HAAO: variants seen among roughly 807,000 people sequenced by gnomAD.
HAAO encodes 3-hydroxyanthranilate 3,4-dioxygenase, also known as 3-hydroxyanthranilate oxygenase.
A neutral mutation model predicts 46.2 loss-of-function variants in HAAO; 49 were observed. The ratio of observed to expected loss-of-function variants is 1.06; its 90% CI spans 0.84 to 1.34. The LOEUF (loss-of-function observed/expected upper bound fraction) is 1.34. HAAO is among the 40% of genes most tolerant of loss of function. The probability of loss-of-function intolerance (pLI) is 0.00; values close to 1 mark genes in which losing one functional copy is unlikely to be tolerated. For missense variants in HAAO, 408 were observed against 364.5 expected, an observed-to-expected ratio of 1.12 and a Z score of -0.97; for synonymous variants, 157 against 145.2, an observed-to-expected ratio of 1.08 and a Z score of -0.58.
At chr2:42,787,715 A>T (rs1672493740) in intron 2 of HAAO, among the ~76,000 whole-genome samples, 1 of 152,116 alleles carries the variant, frequency 6.6e-6, no homozygotes, top group East Asian at 1.9e-4. Context: ...GCTGTTGATC[A>T]AGCTGGACTC....
At chr2:42,790,449 G>A (rs576096491) in intron 1 of HAAO, among the ~76,000 whole-genome samples, 1 of 152,006 alleles carries the variant, frequency 6.6e-6, no homozygotes, top group South Asian at 2.1e-4. Context: ...CTTGGGGAAC[G>A]ATTGAGAAGG....
intron 2 of HAAO, 38 bp from the exon 3 acceptor site, chr2:42,783,905 T>C: frequency 6.3e-7 from 1 of 1,582,736 alleles, no homozygotes; most frequent in Non-Finnish European, 8.6e-7. Context: ...CTCCGCACTT[T>C]CTCTTCCAGG....
At chr2:42,786,170 G>T (rs190922489) in intron 2 of HAAO, among the ~76,000 whole-genome samples, 2 of 152,076 alleles carry the variant, frequency 1.3e-5, no homozygotes, top group Admixed American at 1.3e-4. Context: ...AACCCTTACT[G>T]CCTTACTGGG....
intron 2 of HAAO, among the ~76,000 whole-genome samples, chr2:42,784,258 A>G (rs1315057908): frequency 6.6e-6 from 1 of 152,168 alleles, no homozygotes; most frequent in African/African-American, 2.4e-5. Flanking sequence ...AGCAACCTCC[A>G]AAGGTATCAT....
chr2:42,777,840 G>A (rs1251800744), intron 4 of HAAO, among the ~76,000 whole-genome samples: 1 of 151,922 alleles, frequency 6.6e-6, no homozygotes, highest in African/African-American at 2.4e-5. Context: ...TTTAAAAAAA[G>A]TGAACCATTT....
At chr2:42,792,350 T>C (rs1573968618) in intron 1 of HAAO, 107 bp downstream of exon 1, 1 of 592,102 alleles carries the variant, frequency 1.7e-6, no homozygotes, top group Non-Finnish European at 3.0e-6. Flanking sequence ...AAAGCGGTCC[T>C]TCTGCAAGCT....
rs953407291 is a variant in HAAO, at chr2:42,769,605, G to A, written c.630+108C>T. 6.6e-5 allele frequency: 49 copies of A among 745,752 alleles called. No homozygotes were observed. In the African/African-American group the frequency reaches 1.3e-3, roughly 19 times the overall value. 46.2% of individuals were successfully genotyped at this position (745,752 alleles called of 1,614,324 possible). A position where few individuals can be genotyped will look rare whatever the true frequency, so the allele number is the denominator to read the frequency against. On this transcript the variant is annotated intron_variant, in intron 7 of 9. Transcript: ENST00000294973. ...TGTGTGTGTGTGTGTGTGTGTGTGTGAGTGTGTGTGTGAAAGAGAGAGAGA... is the reference window on the plus strand; with the variant it reads ...TGTGTGTGTGTGTGTGTGTGTGTGTAAGTGTGTGTGTGAAAGAGAGAGAGA...
At chr2:42,789,210 G>A (rs1672607804) in intron 1 of HAAO, 2 of 153,774 alleles carry the variant, frequency 1.3e-5, no homozygotes, top group Admixed American at 1.3e-4. Context: ...AGTTTAAACA[G>A]AATACATGAA....
chr2:42,776,494 T>C (rs1405950238), intron 4 of HAAO, among the ~76,000 whole-genome samples: 1 of 152,016 alleles, frequency 6.6e-6, no homozygotes, highest in Non-Finnish European at 1.5e-5. Context: ...TGCCTCTGCC[T>C]CCCAAAGTGC....
intron 4 of HAAO, among the ~76,000 whole-genome samples, chr2:42,779,511 G>A (rs1465636592): frequency 6.6e-6 from 1 of 152,054 alleles, no homozygotes; most frequent in African/African-American, 2.4e-5. Flanking sequence ...TGGTAGAGGC[G>A]GGGTTTCACC....
intron 2 of HAAO, among the ~76,000 whole-genome samples, chr2:42,784,534 GGGC>G (rs1455529966): frequency 1.1e-5 from 1 of 92,186 alleles, no homozygotes; most frequent in Non-Finnish European, 2.2e-5. Flanking sequence ...GAGGTGGGGG[GGGC>G]GGGGGGGGGG....
At chr2:42,783,226 C>T in intron 4 of HAAO, 88 bp downstream of exon 4, 1 of 770,022 alleles carries the variant, frequency 1.3e-6, no homozygotes, top group South Asian at 1.6e-5. Flanking sequence ...TTTCTTGAGT[C>T]TATCTAGGAT....
At chr2:42,774,036 G>A (rs1671356462) in intron 4 of HAAO, among the ~76,000 whole-genome samples, 1 of 152,174 alleles carries the variant, frequency 6.6e-6, no homozygotes, top group Non-Finnish European at 1.5e-5. Context: ...CCCCCTCCCT[G>A]CTTTGAGTCA....
intron 1 of HAAO, among the ~76,000 whole-genome samples, chr2:42,790,663 C>G (rs1672727345): frequency 6.6e-6 from 1 of 152,114 alleles, no homozygotes; most frequent in Admixed American, 6.5e-5. Flanking sequence ...TCCTGAGTAG[C>G]TGGGACTACA....
At chr2:42,774,905 C>G (rs1049469345) in intron 4 of HAAO, among the ~76,000 whole-genome samples, 3 of 151,932 alleles carry the variant, frequency 2.0e-5, no homozygotes, top group African/African-American at 7.3e-5. Flanking sequence ...TTATGGGAAA[C>G]AAGGCCTCTA....
Position 42,767,183 on chromosome 2 carries a change from G to C in HAAO, c.*254C>G. On this transcript the variant is annotated 3_prime_UTR_variant, in exon 10 of 10. Transcript: ENST00000294973. ...AGAGGAATGGGCAGGAGCGGGGCCG[G>C]GGGTAGACCACCTGGCAAGACTGGC... 1 of 588,220 alleles carries C rather than the reference G, an allele frequency of 1.7e-6. No individual in the cohort carries two copies. The highest frequency in any genetic ancestry group is 3.1e-6 in the Non-Finnish European group (1 of 327,688). 36.4% of individuals were successfully genotyped at this position (588,220 alleles called of 1,614,324 possible).
At chr2:42,783,096 CA>C in intron 4 of HAAO, 1 of 576,860 alleles carries the variant, frequency 1.7e-6, no homozygotes, top group Non-Finnish European at 3.1e-6. Context: ...AGTGAGCTTC[CA>C]GGGGGTCACA....
Position 42,786,787 on chromosome 2 carries a change from C to A in HAAO, c.159+1742G>T, listed in dbSNP as rs980793226. 6.7e-4 allele frequency among the ~76,000 whole-genome samples: 102 copies of A among 152,156 alleles called. 1 individual carries two copies. The highest frequency in any genetic ancestry group is 2.3e-3 in the African/African-American group (97 of 41,428). Reference sequence around the variant, plus strand: ...AGCCGGGCCAGGGAGCTGGAGGTACCCTGACCGCTATTGCAGAGGCAGAGC... The same window carrying A: ...AGCCGGGCCAGGGAGCTGGAGGTACACTGACCGCTATTGCAGAGGCAGAGC... On this transcript the variant is annotated intron_variant, in intron 2 of 9. Coordinates refer to ENST00000294973, the MANE Select transcript of HAAO (RefSeq NM_012205.3).
At position 42,792,520 on chromosome 2, in the gene HAAO, C is replaced by G; in HGVS notation, c.17G>C (p.Gly6Ala). 1 of 1,591,472 alleles carries G rather than the reference C, an allele frequency of 6.3e-7. No individual in the cohort carries two copies. Among genetic ancestry groups the G allele is most frequent in the Non-Finnish European group, 8.5e-7 (1 of 1,169,666 alleles). MERRL[G>A]VRAWVKENRG... ...GTTCTCCTTCACCCAGGCCCTCACT[C>G]CCAGGCGGCGCTCCATGACTGTCCC... Residue 6 changes from glycine (G) to alanine (A), a missense_variant, in exon 1 of 10, where the codon GGA becomes GCA. Physicochemically the swap from Gly to Ala is moderately conservative, Grantham distance 60. Transcript: ENST00000294973.
Sources: allele counts gnomAD v4.1 joint callset (sites outside exome capture counted in the v4.1 genomes callset), GRCh38; gene constraint gnomAD v4.1.1; transcripts MANE v1.5; gene names NCBI Gene and HGNC (gene_info 2026-07-23, HGNC 2026-07-21).